Variants in EXOSC10 observed in about 807,000 individuals in gnomAD.
The protein encoded by EXOSC10 is exosome component 10.
EXOSC10 carries 94 observed loss-of-function variants against 126.6 expected under a neutral mutation model. That is an observed-to-expected ratio of 0.74 (90% CI 0.63 to 0.88). EXOSC10 has a LOEUF of 0.88. Among genes scored for constraint, EXOSC10 ranks in the 40% least tolerant of loss-of-function variants. EXOSC10 has a pLI of 0.00. For missense variants in EXOSC10, 1,041 were observed against 1,100.5 expected (o/e 0.95, Z 0.77); for synonymous variants, 395 against 400.8 (o/e 0.99, Z 0.17).
In EXOSC10 at chr1:11,081,216, T is replaced by C; in HGVS notation, c.1303A>G (p.Ser435Gly). 1 of 1,614,216 alleles carries C rather than the reference T, an allele frequency of 6.2e-7. No homozygotes were observed. Among genetic ancestry groups the C allele is most frequent in the Non-Finnish European group, 8.5e-7 (1 of 1,180,038 alleles). Residue 435 changes from serine to glycine, a missense_variant, in exon 11 of 25, where the codon AGC becomes GGC. Physicochemically the swap from Ser to Gly is moderately conservative, Grantham distance 56. Coordinates refer to ENST00000376936, the MANE Select transcript of EXOSC10 (RefSeq NM_001001998.3). ...TAATGGGTGTCATCCCGGGCGTAGC[T>C]GAGCATCTCCTCGGGCAGAGGGCTG... ...RIRPLPEEMLSYARDDTHYLL... is the reference protein window; with the variant it reads ...RIRPLPEEMLGYARDDTHYLL...
Position 11,082,701 on chromosome 1 carries a change from C to G in EXOSC10, c.1267G>C (p.Asp423His). The change falls in exon 10 of 25, where the codon GAT (aspartate) becomes CAT (histidine). Residue 423 changes from aspartate (D) to histidine (H), a missense_variant. Asp to His is a moderately conservative substitution (Grantham distance 81, BLOSUM62 -1). This residue lies in a region of EXOSC10 where 645 missense variants were observed against 656.3 expected (regional missense o/e 0.98). Transcript: ENST00000376936. ...VDSNKQYQLADWRIRPLPEEM... is the reference protein window; with the variant it reads ...VDSNKQYQLAHWRIRPLPEEM... ...GAGCAAACTGACCGTATTCTCCAAT[C>G]AGCCAGCTGATATTGCTTGTTTGAG... 1 of 1,614,208 alleles carries G rather than the reference C, an allele frequency of 6.2e-7. No individual in the cohort carries two copies. Among genetic ancestry groups the G allele is most frequent in the Non-Finnish European group, 8.5e-7 (1 of 1,180,032 alleles).
chr1:11,091,456 G>C (rs763958506), intron 4 of EXOSC10, 37 bp downstream of exon 4: 2 of 1,537,332 alleles, frequency 1.3e-6, no homozygotes, highest in Non-Finnish European at 1.8e-6. Flanking sequence ...TTATGAAGCT[G>C]ACATCAAGAG....
Position 11,076,857 on chromosome 1 carries a change from G to A in EXOSC10, c.1971C>T (p.Val657=). The change falls in exon 17 of 25, where the codon GTC becomes GTT. Residue 657 remains valine (V), a synonymous_variant. Coordinates refer to ENST00000376936, the MANE Select transcript of EXOSC10 (RefSeq NM_001001998.3). ...TGCTACTCACATTAAATAACGTGATGACAGCTGTGGCAATCAGGCATGTGG... is the reference window on the plus strand; with the variant it reads ...TGCTACTCACATTAAATAACGTGATAACAGCTGTGGCAATCAGGCATGTGG... The part of the protein sequence containing the change: ...LGTTCLIATA[V]ITLFNEPSAE... 1 of 1,612,830 alleles carries A rather than the reference G, an allele frequency of 6.2e-7. No homozygotes were observed. Among genetic ancestry groups the A allele is most frequent in the Non-Finnish European group, 8.5e-7 (1 of 1,179,574 alleles).
chr1:11,091,377 A>G (rs955102416), intron 4 of EXOSC10, 116 bp downstream of exon 4: 1 of 1,018,372 alleles, frequency 9.8e-7, no homozygotes, highest in Admixed American at 2.7e-5. Context: ...AGAACAAACT[A>G]AAGGAGACAG....
Position 11,076,933 on chromosome 1 carries a change from T to C in EXOSC10, c.1895A>G (p.Gln632Arg). ...IIPTSGSVPV[Q>R]KQASLFPDEK... ...ATCAGGGAAGAGGCTCGCCTGCTTC[T>C]GAACTGGCACAGATCCTAGAGGAGC... Residue 632 changes from glutamine to arginine, a missense_variant, in exon 17 of 25, where the codon CAG (glutamine) becomes CGG (arginine). By Grantham distance (43) the Gln-to-Arg change is conservative (BLOSUM62 1). Coordinates refer to ENST00000376936, the MANE Select transcript of EXOSC10 (RefSeq NM_001001998.3). 1 of 1,613,674 alleles carries C rather than the reference T, an allele frequency of 6.2e-7. No homozygotes were observed. The highest frequency in any genetic ancestry group is 8.5e-7 in the Non-Finnish European group (1 of 1,179,824).
intron 3 of EXOSC10, among the ~76,000 whole-genome samples, chr1:11,092,212 A>C (rs1231065183): frequency 6.6e-6 from 1 of 152,060 alleles, no homozygotes; most frequent in Non-Finnish European, 1.5e-5. Flanking sequence ...TACACTTACC[A>C]CCTGTTTTTC....
At chr1:11,088,480 T>G (rs1000598019) in intron 6 of EXOSC10, among the ~76,000 whole-genome samples, 1 of 152,240 alleles carries the variant, frequency 6.6e-6, no homozygotes, top group African/African-American at 2.4e-5. Flanking sequence ...AAGTACTGTA[T>G]AGTTGATGTT....
chr1:11,080,611 G>A (rs1373744329), intron 12 of EXOSC10, 62 bp from the exon 13 acceptor site: 2 of 1,584,226 alleles, frequency 1.3e-6, no homozygotes, highest in South Asian at 1.1e-5. Context: ...CACACGGTGG[G>A]GACACATTAC....
At chr1:11,070,638 ATACCTTTTC>A in intron 21 of EXOSC10, 1 of 439,548 alleles carries the variant, frequency 2.3e-6, no homozygotes, top group Admixed American at 3.9e-5. Context: ...TGTAACCTCA[ATACCTTTTC>A]TACTACTACA....
At chr1:11,097,541 A>G (rs1191880661) in intron 2 of EXOSC10, among the ~76,000 whole-genome samples, 1 of 152,134 alleles carries the variant, frequency 6.6e-6, no homozygotes, top group Non-Finnish European at 1.5e-5. Context: ...CCTGGCTAAC[A>G]TGTTGAAACC....
At chr1:11,071,350 A>C in intron 20 of EXOSC10, 1 of 239,030 alleles carries the variant, frequency 4.2e-6, no homozygotes, top group Non-Finnish European at 8.1e-6. Flanking sequence ...TCAGGACAAA[A>C]CCTTCATCCA....
intron 20 of EXOSC10, chr1:11,071,192 CA>C (rs1639466329): frequency 1.8e-6 from 1 of 545,298 alleles, no homozygotes; most frequent in Non-Finnish European, 3.2e-6. Flanking sequence ...TGATCCTCCC[CA>C]GCCCTGCCTG....
chr1:11,077,924 G>A (rs1435145129), intron 14 of EXOSC10, among the ~76,000 whole-genome samples: 1 of 152,098 alleles, frequency 6.6e-6, no homozygotes, highest in Non-Finnish European at 1.5e-5. Flanking sequence ...TAGTAATCAA[G>A]GTCTCTCTTT....
At chr1:11,099,047 T>C (rs926767605) in intron 1 of EXOSC10, among the ~76,000 whole-genome samples, 7 of 152,206 alleles carry the variant, frequency 4.6e-5, no homozygotes, top group Admixed American at 2.0e-4. Flanking sequence ...AACAGCAAAT[T>C]AGATAAGATA....
chr1:11,088,243 T>C (rs747859471), intron 6 of EXOSC10, 45 bp from the exon 7 acceptor site: 3 of 1,444,588 alleles, frequency 2.1e-6, no homozygotes, highest in Admixed American at 1.9e-5. Flanking sequence ...ATTAATTCCA[T>C]GATTCAAGGG....
At chr1:11,076,750 G>C in intron 17 of EXOSC10, 92 bp downstream of exon 17, 2 of 977,760 alleles carry the variant, frequency 2.0e-6, no homozygotes, top group South Asian at 2.7e-5. Flanking sequence ...GTCTCCGAGT[G>C]TATGCAATGC....
intron 9 of EXOSC10, among the ~76,000 whole-genome samples, chr1:11,085,695 T>C (rs949117106): frequency 5.3e-5 from 8 of 152,114 alleles, no homozygotes; most frequent in Non-Finnish European, 1.2e-4. Flanking sequence ...CCCTGTCTTG[T>C]GCCAGTTTTC....
intron 19 of EXOSC10, 49 bp downstream of exon 19, chr1:11,073,877 CAAAAAAAA>C (rs770965502): frequency 5.6e-5 from 30 of 539,092 alleles, no homozygotes; most frequent in South Asian, 4.5e-4. Context: ...GACTCCATCT[CAAAAAAAA>C]AAAAAAAAAA....
chr1:11,099,472 G>A (rs1270801226), intron 1 of EXOSC10, among the ~76,000 whole-genome samples: 4 of 152,260 alleles, frequency 2.6e-5, no homozygotes, highest in African/African-American at 4.8e-5. Flanking sequence ...GCCTTTCCCA[G>A]GATGCGAGAC....
Sources: gnomAD v4.1 joint callset for allele counts (sites outside exome capture counted in the v4.1 genomes callset) on GRCh38, gnomAD v4.1.1 for gene constraint, gnomAD v4.1.1 regional missense constraint, MANE v1.5 for transcripts, NCBI Gene and HGNC (gene_info 2026-07-23, HGNC 2026-07-21) for gene names.